SUPT3H: variants seen among roughly 807,000 people sequenced by gnomAD.
SUPT3H encodes transcription initiation protein SPT3 homolog.
Under a neutral mutation model 44.3 loss-of-function variants are expected in SUPT3H, and 44 were observed. That is an observed-to-expected ratio of 0.99 (90% CI 0.78 to 1.28). The LOEUF (loss-of-function observed/expected upper bound fraction) is 1.28, where lower values mean the gene tolerates loss of function less well. Among genes scored for constraint, SUPT3H ranks in the 50% most tolerant of loss-of-function variants. SUPT3H has a pLI of 0.00. For synonymous variants in SUPT3H, 124 were observed against 125.6 expected, an observed-to-expected ratio of 0.99 and a Z score of 0.09; for missense variants, 380 against 387.1, an observed-to-expected ratio of 0.98 and a Z score of 0.15.
At position 45,216,133 on chromosome 6, in the gene SUPT3H, C is replaced by T. The variant is rs531424390; in HGVS notation, c.102-110127G>A. Among the ~76,000 whole-genome samples the T allele has an allele frequency of 3.3e-5, 5 of 152,188 alleles. No individual in the cohort carries two copies. In the South Asian group the frequency reaches 1.0e-3, roughly 32 times the overall value. ...ATATACACATTCCCAGACTAGAAAA[C>T]TGAGGAAATTCATCATGACTAGACC... On this transcript the variant is annotated intron_variant, in intron 2 of 10. Coordinates refer to ENST00000371459, the MANE Select transcript of SUPT3H (RefSeq NM_003599.4).
intron 10 of SUPT3H, among the ~76,000 whole-genome samples, chr6:44,884,446 C>A (rs143327200): frequency 1.3e-5 from 2 of 152,052 alleles, no homozygotes; most frequent in African/African-American, 4.8e-5. Flanking sequence ...GACAGTGTGG[C>A]GATTCCTCCA....
At chr6:44,979,546 G>T (rs12661902) in intron 6 of SUPT3H, among the ~76,000 whole-genome samples, 18,290 of 150,816 alleles carry the variant, frequency 0.12, 1,414 homozygotes, top group East Asian at 0.27. Flanking sequence ...TGTGTGTGGG[G>T]GGGGGAAATC....
At chr6:44,930,564 CAAAAAAAAAA>C (rs3857588) in intron 10 of SUPT3H, among the ~76,000 whole-genome samples, 1 of 65,104 alleles carries the variant, frequency 1.5e-5, no homozygotes, top group Non-Finnish European at 2.8e-5. Flanking sequence ...GACTCCGTCT[CAAAAAAAAAA>C]AAAAAAAAAA....
intron 2 of SUPT3H, among the ~76,000 whole-genome samples, chr6:45,263,534 C>A (rs1167749264): frequency 6.6e-6 from 1 of 152,032 alleles, no homozygotes; most frequent in Admixed American, 6.6e-5. Flanking sequence ...TTGAGTACTA[C>A]GTTTACTACC....
At chr6:45,222,240 C>G (rs1014670390) in intron 2 of SUPT3H, among the ~76,000 whole-genome samples, 1 of 152,046 alleles carries the variant, frequency 6.6e-6, no homozygotes, top group African/African-American at 2.4e-5. Flanking sequence ...ACATTAGATA[C>G]ATTGCACCTC....
At chr6:44,938,094 CTATT>C (rs1228003198) in intron 9 of SUPT3H, among the ~76,000 whole-genome samples, 1 of 149,832 alleles carries the variant, frequency 6.7e-6, no homozygotes, top group Non-Finnish European at 1.5e-5. Context: ...GTCCCATTGT[CTATT>C]TTTTTTTTTT....
intron 9 of SUPT3H, among the ~76,000 whole-genome samples, chr6:44,946,539 G>A (rs1360563307): frequency 2.6e-5 from 4 of 152,122 alleles, no homozygotes; most frequent in Non-Finnish European, 4.4e-5. Context: ...GGCTTTGAGC[G>A]GTCCAGACTT....
At chr6:45,257,664 C>T (rs1284576417) in intron 2 of SUPT3H, among the ~76,000 whole-genome samples, 1 of 152,072 alleles carries the variant, frequency 6.6e-6, no homozygotes, top group Non-Finnish European at 1.5e-5. Flanking sequence ...CTGGTGAGGG[C>T]CTTCTTGCTG....
intron 3 of SUPT3H, among the ~76,000 whole-genome samples, chr6:45,081,171 T>C (rs1795759063): frequency 6.6e-6 from 1 of 151,924 alleles, no homozygotes; most frequent in Non-Finnish European, 1.5e-5. Context: ...AGAGTGAAAT[T>C]GACAGAGAGA....
intron 2 of SUPT3H, among the ~76,000 whole-genome samples, chr6:45,292,504 G>T (rs1403713443): frequency 6.6e-6 from 1 of 151,760 alleles, no homozygotes; most frequent in Non-Finnish European, 1.5e-5. Context: ...AATGTAAATG[G>T]CCTAAATGTT....
At chr6:45,338,820 G>C (rs1684773152) in intron 2 of SUPT3H, among the ~76,000 whole-genome samples, 1 of 151,994 alleles carries the variant, frequency 6.6e-6, no homozygotes, top group Admixed American at 6.6e-5. Flanking sequence ...GAGGCATCCA[G>C]GGCACAAAAT....
intron 10 of SUPT3H, among the ~76,000 whole-genome samples, chr6:44,908,749 G>A (rs1449172134): frequency 1.3e-5 from 2 of 151,714 alleles, no homozygotes; most frequent in African/African-American, 4.8e-5. Context: ...TATAATTCCT[G>A]ACATATCAGA....
chr6:45,142,381 A>G (rs1351086874), intron 2 of SUPT3H, among the ~76,000 whole-genome samples: 1 of 152,178 alleles, frequency 6.6e-6, no homozygotes, highest in Non-Finnish European at 1.5e-5. Context: ...CATGATAACT[A>G]CAACAGTACA....
At chr6:45,142,668 G>A (rs553069210) in intron 2 of SUPT3H, among the ~76,000 whole-genome samples, 10 of 140,582 alleles carry the variant, frequency 7.1e-5, no homozygotes, top group South Asian at 4.5e-4. Flanking sequence ...CCTGGGAGGC[G>A]GAAGTTGCAG....
At chr6:45,301,900 T>C (rs1782190547) in intron 2 of SUPT3H, among the ~76,000 whole-genome samples, 1 of 152,132 alleles carries the variant, frequency 6.6e-6, no homozygotes, top group Non-Finnish European at 1.5e-5. Context: ...TTATGGCAAG[T>C]CACTGTTTTA....
chr6:45,333,204 CT>C (rs1482366952), intron 2 of SUPT3H, among the ~76,000 whole-genome samples: 1 of 151,566 alleles, frequency 6.6e-6, no homozygotes, highest in Non-Finnish European at 1.5e-5. Flanking sequence ...ATGAAATTCA[CT>C]GGATATATTT....
rs986516118 is a variant in SUPT3H, at chr6:45,064,938, C to A, written c.186+40984G>T. Among the ~76,000 whole-genome samples, 14 of 149,170 alleles carry A rather than the reference C, an allele frequency of 9.4e-5. 1 individual carries two copies. Among genetic ancestry groups the A allele is most frequent in the African/African-American group, 3.5e-4 (14 of 40,388 alleles). On this transcript the variant is annotated intron_variant, in intron 3 of 10. Coordinates refer to ENST00000371459, the MANE Select transcript of SUPT3H (RefSeq NM_003599.4). The stretch of plus-strand genomic sequence containing the variant: ...TCAACAAGGATACCCAGGAATTGAA[C>A]TCAGCTCTGCACCAAGTGGACCTAA...
At chr6:45,320,365 G>C (rs774236103) in intron 2 of SUPT3H, among the ~76,000 whole-genome samples, 26 of 152,020 alleles carry the variant, frequency 1.7e-4, no homozygotes, top group Non-Finnish European at 2.6e-4. Flanking sequence ...CTGGGGTCAG[G>C]TGATCCTCTC....
chr6:44,876,956 C>G (rs189948319), intron 10 of SUPT3H, among the ~76,000 whole-genome samples: 2 of 151,592 alleles, frequency 1.3e-5, no homozygotes, highest in African/African-American at 2.4e-5. Flanking sequence ...ATGTTTGTAA[C>G]CTACTTAGAA....
Sources: gnomAD v4.1 joint callset for allele counts (sites outside exome capture counted in the v4.1 genomes callset) on GRCh38, gnomAD v4.1.1 for gene constraint, MANE v1.5 for transcripts, NCBI Gene and HGNC (gene_info 2026-07-23, HGNC 2026-07-21) for gene names.